Variants in ABI3BP observed in about 807,000 individuals in gnomAD.
The protein encoded by ABI3BP is target of Nesh-SH3.
In ABI3BP, 216 loss-of-function variants were observed where a neutral mutation model predicts 268.6. The observed-to-expected ratio is 0.80, with a 90% CI of 0.72 to 0.90. The LOEUF (loss-of-function observed/expected upper bound fraction) is 0.90. Ranked by LOEUF, ABI3BP falls within the 40% of genes least tolerant of loss-of-function variation. The pLI, the probability that ABI3BP is intolerant of heterozygous loss-of-function variation, is 0.00. For synonymous variants in ABI3BP, 730 were observed against 730.0 expected (o/e 1.00, Z 0.00); for missense variants, 2,090 against 2,182.4 (o/e 0.96, Z 0.84).
intron 1 of ABI3BP, among the ~76,000 whole-genome samples, chr3:100,934,631 C>T (rs1025846511): frequency 6.6e-6 from 1 of 152,148 alleles, no homozygotes; most frequent in African/African-American, 2.4e-5. Context: ...TCTCCACATC[C>T]TCTCCAGCAT....
At chr3:100,920,854 G>A (rs978813382) in intron 2 of ABI3BP, among the ~76,000 whole-genome samples, 11 of 152,150 alleles carry the variant, frequency 7.2e-5, no homozygotes, top group East Asian at 3.9e-4. Flanking sequence ...ACAATAAGTC[G>A]TGTTGAATTT....
At chr3:100,750,993 T>C (rs2095284893) in intron 67 of ABI3BP, among the ~76,000 whole-genome samples, 1 of 152,194 alleles carries the variant, frequency 6.6e-6, no homozygotes, top group African/African-American at 2.4e-5. Flanking sequence ...CAGGTGATTC[T>C]GGACTAATAG....
At position 100,938,966 on chromosome 3, in the gene ABI3BP, T is replaced by A. The variant is rs138810720; in HGVS notation, c.80-12485A>T. ...GTGTGCATGCACATGTGCCTGTGCATGCATGTGTGTGTGCCAAATTGTAAT... is the reference window on the plus strand; with the variant it reads ...GTGTGCATGCACATGTGCCTGTGCAAGCATGTGTGTGTGCCAAATTGTAAT... On this transcript the variant is annotated intron_variant, in intron 1 of 67. Coordinates refer to ENST00000471714, the MANE Select transcript of ABI3BP (RefSeq NM_001375547.2). Among the ~76,000 whole-genome samples the A allele has an allele frequency of 6.6e-5, 10 of 152,256 alleles. No homozygotes were observed. The East Asian group carries it at 1.9e-3, about 30-fold the overall frequency.
intron 58 of ABI3BP, chr3:100,778,652 TC>T (rs2096781276): frequency 3.0e-6 from 1 of 330,690 alleles, no homozygotes; most frequent in African/African-American, 2.1e-5. Context: ...ATCTGTGGGT[TC>T]CCCATCAGTT....
intron 14 of ABI3BP, among the ~76,000 whole-genome samples, chr3:100,860,942 T>C (rs1263522565): frequency 6.6e-6 from 1 of 152,164 alleles, no homozygotes; most frequent in Non-Finnish European, 1.5e-5. Flanking sequence ...AGACTAGTTG[T>C]TGCATCATAA....
chr3:100,755,613 A>G (rs1239187565), intron 63 of ABI3BP, among the ~76,000 whole-genome samples: 1 of 152,250 alleles, frequency 6.6e-6, no homozygotes, highest in Non-Finnish European at 1.5e-5. Flanking sequence ...TTGTATCCTT[A>G]AGAATTATTC....
rs373276223 is a variant in ABI3BP at position 100,968,974 on chromosome 3, G to C, written c.79+24332C>G. ...CTTTGAATGGCAGTTTCTCCTGCAG[G>C]CCTGGGCCCTTTGGGATTTGCTGAG... is the stretch of plus-strand genomic sequence containing the variant. On this transcript the variant is annotated intron_variant, in intron 1 of 67. Transcript: ENST00000471714. Among the ~76,000 whole-genome samples the C allele has an allele frequency of 1.6e-4, 25 of 152,258 alleles. No individual in the cohort carries two copies. In the East Asian group the frequency reaches 4.7e-3, roughly 28 times the overall value.
In ABI3BP at chr3:100,851,943, TAAAA is replaced by T; in HGVS notation, c.1286-7_1286-4del. 2 of 1,391,208 alleles carry T rather than the reference TAAAA, an allele frequency of 1.4e-6. No individual in the cohort carries two copies. Among genetic ancestry groups the T allele is most frequent in the Admixed American group, 2.5e-5 (1 of 39,496 alleles). 86.2% of individuals were successfully genotyped at this position (1,391,208 alleles called of 1,614,324 possible). A position where few individuals can be genotyped will look rare whatever the true frequency, so the allele number is the denominator to read the frequency against. The stretch of plus-strand genomic sequence containing the variant: ...GCTTGAGAAAACATCATAAGTTGCT[TAAAA>T]AAAAAAAAAAGGCAAAACAAGAGAG... On this transcript the variant is annotated splice_polypyrimidine_tract_variant and splice_region_variant and intron_variant, in intron 14 of 67. Coordinates refer to ENST00000471714, the MANE Select transcript of ABI3BP (RefSeq NM_001375547.2).
chr3:100,822,670 A>T lies in ABI3BP; in HGVS notation c.2806T>A (p.Ser936Thr). Reference sequence around the variant, plus strand: ...CGACGTGTCCGTTGTGATGTTTTGGAAGCTGAAGGAAGAAGTTCTTGGGTT... The same window carrying T: ...CGACGTGTCCGTTGTGATGTTTTGGTAGCTGAAGGAAGAAGTTCTTGGGTT... Reference protein sequence around the residue: ...LRPEASTTLASKTSQRTRRPR... With the variant: ...LRPEASTTLATKTSQRTRRPR... The change falls in exon 38 of 68, where the codon TCC becomes ACC. Residue 936 changes from serine (S) to threonine (T), a missense_variant and splice_region_variant. Ser to Thr is a moderately conservative substitution (Grantham distance 58). Transcript: ENST00000471714. 1 of 1,536,406 alleles carries T rather than the reference A, an allele frequency of 6.5e-7. No individual in the cohort carries two copies. Among genetic ancestry groups the T allele is most frequent in the Non-Finnish European group, 8.7e-7 (1 of 1,146,888 alleles).
intron 2 of ABI3BP, among the ~76,000 whole-genome samples, chr3:100,916,062 C>A (rs916255476): frequency 6.6e-6 from 1 of 152,076 alleles, no homozygotes; most frequent in Admixed American, 6.5e-5. Context: ...ATATGTGCAC[C>A]CCACAGAGAA....
At chr3:100,784,004 C>A (rs2096950236) in intron 57 of ABI3BP, among the ~76,000 whole-genome samples, 1 of 152,204 alleles carries the variant, frequency 6.6e-6, no homozygotes, top group African/African-American at 2.4e-5. Flanking sequence ...AAAAATGACC[C>A]ACTTTAGACC....
Position 100,910,316 on chromosome 3 carries a change from G to T in ABI3BP, c.260-7630C>A, listed in dbSNP as rs139570760. Among the ~76,000 whole-genome samples, 602 of 151,998 alleles carry T rather than the reference G, an allele frequency of 4.0e-3. 9 individuals carry two copies. The highest frequency in any genetic ancestry group is 0.014 in the African/African-American group (564 of 41,426). ...GGAAAAATACCTAATGTAGATGATG[G>T]GTTGATGAATGCAGCAAACCACCAT... On this transcript the variant is annotated intron_variant, in intron 2 of 67. Coordinates refer to ENST00000471714, the MANE Select transcript of ABI3BP (RefSeq NM_001375547.2).
chr3:100,917,003 C>G lies in ABI3BP; in HGVS notation c.259+9299G>C, dbSNP rs151176948. Among the ~76,000 whole-genome samples, 387 of 152,302 alleles carry G rather than the reference C, an allele frequency of 2.5e-3. 1 individual carries two copies. The highest frequency in any genetic ancestry group is 8.8e-3 in the African/African-American group (367 of 41,564). ...AACCATGACTCTATGCCAGATAAAA[C>G]AGGGTATATAGTTACTTTACTAATA... On this transcript the variant is annotated intron_variant, in intron 2 of 67. Coordinates refer to ENST00000471714, the MANE Select transcript of ABI3BP (RefSeq NM_001375547.2).
intron 34 of ABI3BP, among the ~76,000 whole-genome samples, chr3:100,827,118 C>T (rs1355958253): frequency 1.3e-5 from 2 of 152,098 alleles, no homozygotes; most frequent in Admixed American, 6.6e-5. Context: ...CTTTAAGACC[C>T]TACAATAAGT....
chr3:100,862,573 CAGAG>C, intron 13 of ABI3BP, 188 bp from the exon 14 acceptor site: 2 of 585,512 alleles, frequency 3.4e-6, no homozygotes, highest in Admixed American at 3.4e-5. Context: ...GATTAGTGGT[CAGAG>C]AGAGACCAGA....
chr3:100,771,449 A>T (rs1006305767), intron 61 of ABI3BP, among the ~76,000 whole-genome samples: 1 of 152,222 alleles, frequency 6.6e-6, no homozygotes, highest in Non-Finnish European at 1.5e-5. Context: ...ATTACCTATA[A>T]TAAGGAGAAA....
At chr3:100,947,761 A>G (rs1187618742) in intron 1 of ABI3BP, among the ~76,000 whole-genome samples, 1 of 152,190 alleles carries the variant, frequency 6.6e-6, no homozygotes, top group African/African-American at 2.4e-5. Flanking sequence ...ACTGTTAGGT[A>G]GCAAAAACTA....
intron 56 of ABI3BP, among the ~76,000 whole-genome samples, chr3:100,788,236 T>C (rs1326801070): frequency 6.6e-6 from 1 of 152,172 alleles, no homozygotes; most frequent in East Asian, 1.9e-4. Context: ...TGGGAATCCC[T>C]AGGTACAGAG....
intron 67 of ABI3BP, 66 bp from the exon 68 acceptor site, chr3:100,750,676 A>G: frequency 8.7e-7 from 1 of 1,155,374 alleles, no homozygotes; most frequent in Non-Finnish European, 1.3e-6. Flanking sequence ...CAGCTCATAG[A>G]TTGAAGGATG....
Sources: gnomAD v4.1 joint callset for allele counts (sites outside exome capture counted in the v4.1 genomes callset) on GRCh38, gnomAD v4.1.1 for gene constraint, MANE v1.5 for transcripts, NCBI Gene and HGNC (gene_info 2026-07-23, HGNC 2026-07-21) for gene names.